Variants in TUSC3 observed in about 807,000 individuals in gnomAD.
TUSC3 encodes tumor suppressor candidate 3.
A neutral mutation model predicts 44.8 loss-of-function variants in TUSC3; 45 were observed. That is an observed-to-expected ratio of 1.00 (90% CI 0.79 to 1.29). The LOEUF (loss-of-function observed/expected upper bound fraction) is 1.29, where lower values mean the gene tolerates loss of function less well. TUSC3 is among the 50% of genes most tolerant of loss of function. The pLI, the probability that TUSC3 is intolerant of heterozygous loss-of-function variation, is 0.00. For missense variants in TUSC3, 519 were observed against 437.9 expected (o/e 1.19, Z -1.65); for synonymous variants, 212 against 152.9 (o/e 1.39, Z -2.85).
At chr8:15,482,925 G>T (rs528071652) in intron 1 of TUSC3, among the ~76,000 whole-genome samples, 1 of 151,990 alleles carries the variant, frequency 6.6e-6, no homozygotes, top group Non-Finnish European at 1.5e-5. Flanking sequence ...TACTTTAAGC[G>T]GTGTGTTTTA....
chr8:15,524,129 C>G (rs1052958229), intron 2 of TUSC3, among the ~76,000 whole-genome samples: 1 of 151,238 alleles, frequency 6.6e-6, no homozygotes, highest in Non-Finnish European at 1.5e-5. Flanking sequence ...TTATACTAAA[C>G]TAGCCCACAA....
At chr8:15,615,424 G>C (rs1414590826) in intron 1 of TUSC3, among the ~76,000 whole-genome samples, 5 of 152,164 alleles carry the variant, frequency 3.3e-5, no homozygotes, top group African/African-American at 1.2e-4. Flanking sequence ...ACCAGATTGA[G>C]CTCATAGAAG....
intron 1 of TUSC3, among the ~76,000 whole-genome samples, chr8:15,562,396 G>C (rs1435361262): frequency 6.6e-6 from 1 of 152,076 alleles, no homozygotes; most frequent in East Asian, 1.9e-4. Context: ...CACTTTAAGC[G>C]TTAAGAAATA....
At chr8:15,724,227 T>C (rs1379026030) in intron 6 of TUSC3, among the ~76,000 whole-genome samples, 1 of 152,168 alleles carries the variant, frequency 6.6e-6, no homozygotes, top group Non-Finnish European at 1.5e-5. Flanking sequence ...CACCTTCATC[T>C]TGGACTTTGA....
At chr8:15,574,123 T>G (rs1408085325) in intron 1 of TUSC3, among the ~76,000 whole-genome samples, 1 of 152,182 alleles carries the variant, frequency 6.6e-6, no homozygotes, top group Non-Finnish European at 1.5e-5. Flanking sequence ...GGAAGCTCAC[T>G]GGCATTCAAT....
intron 6 of TUSC3, among the ~76,000 whole-genome samples, chr8:15,679,624 T>C (rs1448147710): frequency 6.6e-6 from 1 of 152,184 alleles, no homozygotes; most frequent in Non-Finnish European, 1.5e-5. Flanking sequence ...AATTTTTGTT[T>C]TATTTGCAGT....
chr8:15,780,805 C>G, the TUSC3 span, among the ~76,000 whole-genome samples: 1 of 152,126 alleles, frequency 6.6e-6, no homozygotes, highest in Non-Finnish European at 1.5e-5. Context: ...TAGCTGCATG[C>G]TAAATCTCCT....
intron 3 of TUSC3, among the ~76,000 whole-genome samples, chr8:15,657,112 G>A (rs1043023838): frequency 1.3e-5 from 2 of 152,144 alleles, no homozygotes; most frequent in Non-Finnish European, 2.9e-5. Flanking sequence ...TTTTCTTGAT[G>A]AGTAATACCT....
chr8:15,469,946 T>A (rs1448634809), intron 1 of TUSC3, among the ~76,000 whole-genome samples: 1 of 151,894 alleles, frequency 6.6e-6, no homozygotes, highest in Non-Finnish European at 1.5e-5. Flanking sequence ...AAAGGAAAAA[T>A]TATGAAGACA....
At position 15,552,030 on chromosome 8, in the gene TUSC3, A is replaced by G. The variant is rs766875612; in HGVS notation, c.138+11462A>G. Among the ~76,000 whole-genome samples, 23 of 151,768 alleles carry G rather than the reference A, an allele frequency of 1.5e-4. 2 individuals carry two copies. The highest frequency in any genetic ancestry group is 2.4e-4 in the African/African-American group (10 of 41,406). ...TGGAGACTTCTTTGATTTGATGTCT[A>G]TGCCATTTTAATTATGGCAGAAGCC... On this transcript the variant is annotated intron_variant, in intron 1 of 10. Transcript: ENST00000503731.
chr8:15,823,253 T>G, the TUSC3 span, among the ~76,000 whole-genome samples: 2 of 152,180 alleles, frequency 1.3e-5, no homozygotes, highest in Non-Finnish European at 2.9e-5. Context: ...GTGGAGGCTC[T>G]ATCATAGTCC....
intron 2 of TUSC3, among the ~76,000 whole-genome samples, chr8:15,513,930 C>T (rs892319355): frequency 2.0e-5 from 3 of 152,176 alleles, no homozygotes; most frequent in Admixed American, 1.3e-4. Context: ...AGCTTCTCTT[C>T]CTCTCCCTTC....
chr8:15,643,013 TC>T (rs1341783293), intron 2 of TUSC3, among the ~76,000 whole-genome samples: 1 of 152,220 alleles, frequency 6.6e-6, no homozygotes, highest in East Asian at 1.9e-4. Context: ...TTTGAATTGT[TC>T]CCATAATCCC....
At chr8:15,452,613 G>A (rs191814081) in intron 1 of TUSC3, among the ~76,000 whole-genome samples, 95 of 152,294 alleles carry the variant, frequency 6.2e-4, no homozygotes, top group African/African-American at 2.1e-3. Context: ...CTATAAGGCA[G>A]ACTTACGTCT....
At chr8:15,433,354 T>G (rs560825066) in intron 1 of TUSC3, among the ~76,000 whole-genome samples, 1 of 152,198 alleles carries the variant, frequency 6.6e-6, no homozygotes, top group African/African-American at 2.4e-5. Flanking sequence ...CTTAATTTTT[T>G]AAAAATTTTT....
At chr8:15,788,246 T>C in the TUSC3 span, among the ~76,000 whole-genome samples, 3 of 150,802 alleles carry the variant, frequency 2.0e-5, no homozygotes, top group African/African-American at 7.3e-5. Flanking sequence ...TCTTCCATTC[T>C]TGTGGGGGAG....
chr8:15,426,799 A>G (rs1158290054), intron 1 of TUSC3, among the ~76,000 whole-genome samples: 2 of 152,136 alleles, frequency 1.3e-5, no homozygotes, highest in Non-Finnish European at 2.9e-5. Flanking sequence ...TTACCTTTTG[A>G]GGAACTTCTG....
Position 15,581,807 on chromosome 8 carries a change from A to T in TUSC3, c.138+41239A>T, listed in dbSNP as rs1228685411. On this transcript the variant is annotated intron_variant, in intron 1 of 10. Coordinates refer to ENST00000503731, the MANE Select transcript of TUSC3 (RefSeq NM_006765.4). ...CCCTGCCCCCAGAGGTGGAGCCTAC[A>T]GAGGCAGGCAGGCCTCCTTGAGCTG... Among the ~76,000 whole-genome samples, 5 of 133,096 alleles carry T rather than the reference A, an allele frequency of 3.8e-5. No homozygotes were observed. The East Asian group carries it at 9.4e-4, about 25-fold the overall frequency. The allele number at this position is 133,096 out of a possible 152,430, so 87.3% of individuals were successfully genotyped here.
intron 1 of TUSC3, among the ~76,000 whole-genome samples, chr8:15,584,080 T>G (rs1803494431): frequency 1.3e-5 from 2 of 152,250 alleles, no homozygotes; most frequent in Admixed American, 6.5e-5. Flanking sequence ...CTTAACTGTT[T>G]TAATATTTCT....
Sources: allele counts gnomAD v4.1 joint callset (sites outside exome capture counted in the v4.1 genomes callset), GRCh38; gene constraint gnomAD v4.1.1; transcripts MANE v1.5; gene names NCBI Gene and HGNC (gene_info 2026-07-23, HGNC 2026-07-21).